Variants in KIF26B observed in about 807,000 individuals in gnomAD.
KIF26B encodes the protein kinesin-like protein KIF26B.
In KIF26B, 63 loss-of-function variants were observed where a neutral mutation model predicts 151.2. That is an observed-to-expected ratio of 0.42 (90% CI 0.34 to 0.51). KIF26B has a LOEUF of 0.51. Among genes scored for constraint, KIF26B ranks in the 20% least tolerant of loss-of-function variants. KIF26B has a pLI of 0.07. For synonymous variants in KIF26B, 1,357 were observed against 1,262.1 expected, an observed-to-expected ratio of 1.08 and a Z score of -1.59; for missense variants, 2,813 against 2,913.6, an observed-to-expected ratio of 0.97 and a Z score of 0.79.
intron 5 of KIF26B, among the ~76,000 whole-genome samples, chr1:245,554,849 A>G (rs1273818958): frequency 6.6e-6 from 1 of 152,212 alleles, no homozygotes; most frequent in Non-Finnish European, 1.5e-5. Context: ...ACAATGGCAT[A>G]TGTAAAACGT....
intron 2 of KIF26B, among the ~76,000 whole-genome samples, chr1:245,365,081 C>T (rs957406424): frequency 6.6e-6 from 1 of 152,224 alleles, no homozygotes; most frequent in Admixed American, 6.5e-5. Context: ...TTTTAACCCT[C>T]TGGGACCTGT....
In KIF26B at chr1:245,366,814, T is replaced by A; in HGVS notation, c.466-20T>A. The A allele has an allele frequency of 6.2e-7, 1 of 1,609,556 alleles. No homozygotes were observed. Among genetic ancestry groups the A allele is most frequent in the Non-Finnish European group, 8.5e-7 (1 of 1,176,486 alleles). ...TTGGAGTTATAGAATCTCCTCTCCCTCTGCTTCTGTGTTCTGTAGGACCCT... is the reference window on the plus strand; with the variant it reads ...TTGGAGTTATAGAATCTCCTCTCCCACTGCTTCTGTGTTCTGTAGGACCCT... On this transcript the variant is annotated intron_variant, in intron 2 of 14. Transcript: ENST00000407071.
At chr1:245,372,736 A>G (rs1673157395) in intron 3 of KIF26B, among the ~76,000 whole-genome samples, 1 of 152,210 alleles carries the variant, frequency 6.6e-6, no homozygotes. Flanking sequence ...AAGACTGTAC[A>G]CATAACACAC....
intron 2 of KIF26B, among the ~76,000 whole-genome samples, chr1:245,189,953 G>T (rs1050699738): frequency 6.6e-6 from 1 of 152,220 alleles, no homozygotes; most frequent in Non-Finnish European, 1.5e-5. Flanking sequence ...GAGACCATCA[G>T]ATCTCGTGAG....
chr1:245,701,634 T>C (rs1345645515), intron 14 of KIF26B, among the ~76,000 whole-genome samples: 5 of 152,154 alleles, frequency 3.3e-5, no homozygotes, highest in Non-Finnish European at 7.3e-5. Context: ...TTCATTATTA[T>C]CTCATTTTAT....
intron 5 of KIF26B, among the ~76,000 whole-genome samples, chr1:245,593,279 G>A (rs896402747): frequency 6.6e-5 from 10 of 152,108 alleles, no homozygotes; most frequent in South Asian, 4.2e-4. Context: ...CCATCAACCC[G>A]TCATCTACAT....
rs144617080 is a variant in KIF26B at position 245,382,565 on chromosome 1, G to T, written c.999+15198G>T. On this transcript the variant is annotated intron_variant, in intron 3 of 14. Transcript: ENST00000407071. ...TGTGTGTGTGTGTGTTTTGTTTCTT[G>T]TTTTGTTTTGTTTTGTTTTTGAGGC... 2.1e-5 allele frequency among the ~76,000 whole-genome samples: 3 copies of T among 145,882 alleles called. No homozygotes were observed. In the East Asian group the frequency reaches 5.9e-4, roughly 29 times the overall value.
At position 245,625,519 on chromosome 1, in the gene KIF26B, T is replaced by G. The variant is rs1410917963; in HGVS notation, c.2098+13543T>G. On this transcript the variant is annotated intron_variant, in intron 9 of 14. Transcript: ENST00000407071. ...TATTTCTTTTATATTGATATATAAT[T>G]ACACATATTTATGGGTGATATTTTG... Among the ~76,000 whole-genome samples, 3 of 152,230 alleles carry G rather than the reference T, an allele frequency of 2.0e-5. No individual in the cohort carries two copies. The East Asian group carries it at 5.8e-4, about 29-fold the overall frequency.
rs1276543071 is a variant in KIF26B at position 245,166,285 on chromosome 1, T to C, written c.465+9602T>C. 1.3e-5 allele frequency among the ~76,000 whole-genome samples: 2 copies of C among 152,136 alleles called. No homozygotes were observed. The highest frequency in any genetic ancestry group is 2.9e-5 in the Non-Finnish European group (2 of 68,008). On this transcript the variant is annotated intron_variant, in intron 2 of 14. Coordinates refer to ENST00000407071, the MANE Select transcript of KIF26B (RefSeq NM_018012.4). The surrounding 1 kb of genome is among the most constrained non-coding windows in gnomAD (Gnocchi z 4.5). ...CCTCCTTCCTTCCCTCTTTCCTTCCTTTTTTCCTTCCTTCCTTCCATCTGA... is the reference window on the plus strand; with the variant it reads ...CCTCCTTCCTTCCCTCTTTCCTTCCCTTTTTCCTTCCTTCCTTCCATCTGA...
intron 4 of KIF26B, among the ~76,000 whole-genome samples, chr1:245,441,303 G>A (rs1175619962): frequency 2.0e-5 from 3 of 152,076 alleles, no homozygotes; most frequent in Non-Finnish European, 4.4e-5. Flanking sequence ...CAAAAGAAAC[G>A]GCCACCAGAT....
intron 2 of KIF26B, among the ~76,000 whole-genome samples, chr1:245,266,600 C>T (rs912266073): frequency 8.6e-5 from 13 of 152,008 alleles, no homozygotes; most frequent in African/African-American, 1.4e-4. Flanking sequence ...CTCCGCTTCC[C>T]GGGTTCAAGC....
chr1:245,156,230 C>T (rs1668428836), intron 1 of KIF26B, 52 bp from the exon 2 acceptor site: 2 of 1,524,586 alleles, frequency 1.3e-6, no homozygotes. Context: ...AGCTCCTGGG[C>T]GCTGCAGCCC....
At position 245,688,165 on chromosome 1, in the gene KIF26B, G is replaced by C. The variant is rs747722947; in HGVS notation, c.5182G>C (p.Gly1728Arg). The change falls in exon 12 of 15, where the codon GGC becomes CGC. Residue 1728 changes from glycine (G) to arginine (R), a missense_variant. By Grantham distance (125) the Gly-to-Arg change is moderately radical. Coordinates refer to ENST00000407071, the MANE Select transcript of KIF26B (RefSeq NM_018012.4). ...PPSSGASPKA[G>R]QSKISAVSRL... ...CAGCTCCGGGGCCTCGCCCAAGGCC[G>C]GCCAGTCCAAGATCTCCGCCGTGAG... 6 of 1,596,696 alleles carry C rather than the reference G, an allele frequency of 3.8e-6. No individual in the cohort carries two copies. The South Asian group carries it at 6.6e-5, about 18-fold the overall frequency.
intron 2 of KIF26B, among the ~76,000 whole-genome samples, chr1:245,207,802 C>A (rs1488530076): frequency 1.3e-5 from 2 of 152,196 alleles, no homozygotes; most frequent in Non-Finnish European, 2.9e-5. Context: ...TTCACACCAT[C>A]ATCCTTTTTG....
intron 4 of KIF26B, among the ~76,000 whole-genome samples, chr1:245,515,070 G>A (rs1359997727): frequency 6.6e-6 from 1 of 152,070 alleles, no homozygotes; most frequent in East Asian, 1.9e-4. Flanking sequence ...CAAGACCTGG[G>A]TGTTTGAGTC....
chr1:245,403,544 G>T (rs1674058195), intron 3 of KIF26B, among the ~76,000 whole-genome samples: 1 of 152,140 alleles, frequency 6.6e-6, no homozygotes, highest in Non-Finnish European at 1.5e-5. Context: ...TCTGGGGTGT[G>T]TGTGTGTGCG....
At chr1:245,648,255 G>A (rs908926238) in intron 10 of KIF26B, among the ~76,000 whole-genome samples, 2 of 152,118 alleles carry the variant, frequency 1.3e-5, no homozygotes, top group African/African-American at 4.8e-5. Context: ...AATTGATGGC[G>A]GGAAGATAGA....
chr1:245,606,424 G>A lies in KIF26B; in HGVS notation c.1558-1227G>A, dbSNP rs552731984. 2.0e-5 allele frequency among the ~76,000 whole-genome samples: 3 copies of A among 152,284 alleles called. No homozygotes were observed. The highest frequency in any genetic ancestry group is 2.1e-4 in the South Asian group (1 of 4,820). On this transcript the variant is annotated intron_variant, in intron 6 of 14. Coordinates refer to ENST00000407071, the MANE Select transcript of KIF26B (RefSeq NM_018012.4). This position sits in a 1 kb window ranked among gnomAD's most constrained non-coding sequence, Gnocchi z 4.6. ...CGGAGCTCCCACGAGCCCTGACTCC[G>A]GCCCCGAGACAGAAATGAAAGCAAC...
rs1460506541 is a variant in KIF26B at position 245,516,589 on chromosome 1, G to A, written c.1167-24178G>A. ...TCATTTTTCACTTTCCTTTGACCCT[G>A]GGTGTCTCCACAAATGAACCACCTG... On this transcript the variant is annotated intron_variant, in intron 4 of 14. Transcript: ENST00000407071. The surrounding 1 kb of genome is among the most constrained non-coding windows in gnomAD (Gnocchi z 4.2). Among the ~76,000 whole-genome samples, 3 of 151,970 alleles carry A rather than the reference G, an allele frequency of 2.0e-5. No individual in the cohort carries two copies. The highest frequency in any genetic ancestry group is 4.4e-5 in the Non-Finnish European group (3 of 68,018).
Sources: gnomAD v4.1 joint callset for allele counts (sites outside exome capture counted in the v4.1 genomes callset) on GRCh38, gnomAD v4.1.1 for gene constraint, Gnocchi (gnomAD v3.1) non-coding constraint, MANE v1.5 for transcripts, NCBI Gene and HGNC (gene_info 2026-07-23, HGNC 2026-07-21) for gene names.